Variants in ZNF106 observed in about 807,000 individuals in gnomAD.
The protein encoded by ZNF106 is zinc finger protein 106.
ZNF106 carries 67 observed loss-of-function variants against 195.1 expected under a neutral mutation model. The observed-to-expected ratio is 0.34, with a 90% CI of 0.28 to 0.42. ZNF106 has a LOEUF of 0.42. Ranked by LOEUF, ZNF106 falls within the 10% of genes least tolerant of loss-of-function variation. ZNF106 has a pLI of 1.00. For missense variants in ZNF106, 2,118 were observed against 2,304.5 expected (o/e 0.92, Z 1.66); for synonymous variants, 784 against 818.6 (o/e 0.96, Z 0.72).
chr15:42,477,042 G>C (rs772257092), intron 1 of ZNF106, among the ~76,000 whole-genome samples: 44 of 152,024 alleles, frequency 2.9e-4, no homozygotes, highest in Non-Finnish European at 5.0e-4. Context: ...ACAGGGTATC[G>C]GTGCCCCCAA....
At chr15:42,469,190 A>T (rs1024953944) in intron 2 of ZNF106, among the ~76,000 whole-genome samples, 2 of 152,180 alleles carry the variant, frequency 1.3e-5, no homozygotes, top group Non-Finnish European at 2.9e-5. Context: ...CGTCTAAAAA[A>T]AAAAACTTCT....
chr15:42,464,975 A>T (rs1045236295), intron 3 of ZNF106, among the ~76,000 whole-genome samples: 5 of 152,170 alleles, frequency 3.3e-5, no homozygotes, highest in African/African-American at 1.2e-4. Flanking sequence ...TTCTGCCATG[A>T]TTGTGAGGCC....
intron 3 of ZNF106, among the ~76,000 whole-genome samples, chr15:42,462,954 T>G (rs2056427337): frequency 7.3e-6 from 1 of 136,494 alleles, no homozygotes; most frequent in African/African-American, 3.3e-5. Flanking sequence ...GGCTTTTTTT[T>G]GTTTTGTTTT....
chr15:42,438,952 T>G, intron 11 of ZNF106, 81 bp downstream of exon 11: 1 of 1,488,056 alleles, frequency 6.7e-7, no homozygotes, highest in African/African-American at 1.4e-5. Context: ...TTAAAGAAAT[T>G]CTGATTCATA....
intron 9 of ZNF106, 39 bp from the exon 10 acceptor site, chr15:42,442,453 G>A: frequency 6.5e-7 from 1 of 1,529,948 alleles, no homozygotes. Flanking sequence ...ATGCAAAAAT[G>A]TTATCTGAAA....
At chr15:42,463,832 C>T (rs773853133) in intron 3 of ZNF106, among the ~76,000 whole-genome samples, 1 of 152,052 alleles carries the variant, frequency 6.6e-6, no homozygotes, top group Non-Finnish European at 1.5e-5. Context: ...ATAATAAGGG[C>T]TCCCCATACT....
intron 3 of ZNF106, among the ~76,000 whole-genome samples, chr15:42,465,825 T>C (rs2056502543): frequency 6.6e-6 from 1 of 152,238 alleles, no homozygotes; most frequent in African/African-American, 2.4e-5. Context: ...TGCAATCTAC[T>C]TGATAGGGCT....
intron 3 of ZNF106, among the ~76,000 whole-genome samples, chr15:42,465,826 T>C (rs1248265993): frequency 6.6e-5 from 10 of 152,230 alleles, no homozygotes; most frequent in Non-Finnish European, 1.3e-4. Context: ...GCAATCTACT[T>C]GATAGGGCTG....
chr15:42,432,223 G>T (rs1474172345), intron 14 of ZNF106, among the ~76,000 whole-genome samples: 2 of 151,936 alleles, frequency 1.3e-5, no homozygotes, highest in African/African-American at 4.8e-5. Context: ...CAGTGGCATT[G>T]TCATAGCTCA....
intron 3 of ZNF106, among the ~76,000 whole-genome samples, chr15:42,464,522 C>CTTTTTTTTTTT (rs928173954): frequency 8.8e-6 from 1 of 113,478 alleles, no homozygotes; most frequent in Non-Finnish European, 1.7e-5. Flanking sequence ...ACACATGCTA[C>CTTTTTTTTTTT]TTTTTTTTTT....
At chr15:42,479,900 A>G (rs1345836187) in intron 1 of ZNF106, among the ~76,000 whole-genome samples, 1 of 152,182 alleles carries the variant, frequency 6.6e-6, no homozygotes, top group African/African-American at 2.4e-5. Context: ...CCCAGGCTGG[A>G]GTGCCATGAC....
chr15:42,420,885 G>A (rs1193325353), intron 20 of ZNF106, among the ~76,000 whole-genome samples, 176 bp downstream of exon 20: 1 of 152,098 alleles, frequency 6.6e-6, no homozygotes, highest in Non-Finnish European at 1.5e-5. Context: ...AGCATGTATT[G>A]ATTTTATAAT....
At chr15:42,426,216 G>T (rs912168490) in intron 15 of ZNF106, among the ~76,000 whole-genome samples, 1 of 152,116 alleles carries the variant, frequency 6.6e-6, no homozygotes, top group Non-Finnish European at 1.5e-5. Context: ...GGCAACCTAG[G>T]AAAAAGCCCA....
chr15:42,457,230 G>T, intron 3 of ZNF106, 72 bp from the exon 4 acceptor site: 1 of 1,610,174 alleles, frequency 6.2e-7, no homozygotes, highest in Non-Finnish European at 8.5e-7. Context: ...ATCTGTTATT[G>T]TTTCCTCTGA....
In ZNF106 at chr15:42,451,274, C is replaced by A. The variant is rs879172532; in HGVS notation, c.998G>T (p.Gly333Val). The A allele has an allele frequency of 3.1e-6, 5 of 1,614,012 alleles. No individual in the cohort carries two copies. The highest frequency in any genetic ancestry group is 1.6e-4 in the Middle Eastern group (1 of 6,082). Residue 333 changes from glycine to valine, a missense_variant, in exon 5 of 22, where the codon GGC (glycine) becomes GTC (valine). By Grantham distance (109) the Gly-to-Val change is moderately radical. Coordinates refer to ENST00000564754, the MANE Select transcript of ZNF106 (RefSeq NM_001366845.3). ...CTGCTCAAAATTGAAGTCGAGTAAG[C>A]CTTCTGAAGGAAATTTATCACTTGT... ...GFTSDKFPSE[G>V]LLDFNFEQLE...
intron 15 of ZNF106, among the ~76,000 whole-genome samples, chr15:42,427,118 C>G (rs1233677743): frequency 6.6e-6 from 1 of 152,176 alleles, no homozygotes; most frequent in Non-Finnish European, 1.5e-5. Flanking sequence ...GCAATCAAAC[C>G]TATCGATTCT....
Position 42,449,902 on chromosome 15 carries a change from C to G in ZNF106, c.2370G>C (p.Glu790Asp), listed in dbSNP as rs1268893909. 1.2e-6 allele frequency: 2 copies of G among 1,614,178 alleles called. No individual in the cohort carries two copies. Among genetic ancestry groups the G allele is most frequent in the Admixed American group, 1.7e-5 (1 of 60,020 alleles). Residue 790 changes from glutamate to aspartate, a missense_variant, in exon 5 of 22, where the codon GAG (glutamate) becomes GAC (aspartate). Physicochemically the swap from Glu to Asp is conservative, Grantham distance 45. Coordinates refer to ENST00000564754, the MANE Select transcript of ZNF106 (RefSeq NM_001366845.3). ...GCTTGAGCCCAGACTCCTTCTCTGT[C>G]TCACTCTTTCGGTGACCGCTAATAT... ...IRNISGHRKS[E>D]TEKESGLKPT...
At chr15:42,480,407 T>C (rs72711747) in intron 1 of ZNF106, among the ~76,000 whole-genome samples, 4,190 of 152,334 alleles carry the variant, frequency 0.028, 95 homozygotes, top group Middle Eastern at 0.051. Flanking sequence ...TCTTTTTCCA[T>C]GCATTTGCTT....
chr15:42,441,843 C>G (rs1393639972), intron 10 of ZNF106: 1 of 358,908 alleles, frequency 2.8e-6, no homozygotes, highest in African/African-American at 2.1e-5. Flanking sequence ...AATACAAAGT[C>G]AACTCTAACC....
Sources: gnomAD v4.1 joint callset for allele counts (sites outside exome capture counted in the v4.1 genomes callset) on GRCh38, gnomAD v4.1.1 for gene constraint, MANE v1.5 for transcripts, NCBI Gene and HGNC (gene_info 2026-07-23, HGNC 2026-07-21) for gene names.